Variants in CCDC102B observed in about 807,000 individuals in gnomAD.
The protein encoded by CCDC102B is coiled-coil domain-containing protein 102B.
CCDC102B carries 75 observed loss-of-function variants against 57.4 expected under a neutral mutation model. The observed-to-expected ratio is 1.31, with a 90% CI of 1.08 to 1.58. The LOEUF is 1.58. Ranked by LOEUF, CCDC102B falls within the 40% of genes most tolerant of loss-of-function variation. CCDC102B has a pLI of 0.00. For missense variants in CCDC102B, 636 were observed against 582.6 expected (o/e 1.09, Z -0.94); for synonymous variants, 206 against 201.9 (o/e 1.02, Z -0.17).
intron 4 of CCDC102B, among the ~76,000 whole-genome samples, chr18:68,855,409 T>C (rs537443891): frequency 3.0e-4 from 46 of 152,322 alleles, no homozygotes; most frequent in African/African-American, 1.1e-3. Context: ...AAGGCATAAA[T>C]GCTGTAATCC....
chr18:68,982,932 C>G (rs1430298873), intron 6 of CCDC102B, among the ~76,000 whole-genome samples: 2 of 151,830 alleles, frequency 1.3e-5, no homozygotes, highest in African/African-American at 4.8e-5. Flanking sequence ...TTGTACATCA[C>G]TATTCTGTGA....
chr18:69,030,184 G>A (rs981996729), intron 7 of CCDC102B, among the ~76,000 whole-genome samples: 14 of 152,104 alleles, frequency 9.2e-5, no homozygotes, highest in Non-Finnish European at 1.9e-4. Context: ...TTGAAAATAT[G>A]TAACACAAAA....
chr18:69,038,149 A>G (rs1475141834), intron 7 of CCDC102B, among the ~76,000 whole-genome samples: 4 of 151,896 alleles, frequency 2.6e-5, no homozygotes, highest in African/African-American at 7.2e-5. Flanking sequence ...AAGAAATGTC[A>G]TAAATTATAC....
intron 6 of CCDC102B, among the ~76,000 whole-genome samples, chr18:68,918,185 T>C (rs2041144064): frequency 1.3e-5 from 2 of 152,322 alleles, no homozygotes; most frequent in South Asian, 4.1e-4. Context: ...ACCTAAAACC[T>C]ACATATAAAT....
At chr18:68,725,329 A>G (rs1399540045) in intron 2 of CCDC102B, among the ~76,000 whole-genome samples, 1 of 152,176 alleles carries the variant, frequency 6.6e-6, no homozygotes, top group Non-Finnish European at 1.5e-5. Context: ...AGCAACACGA[A>G]TTTATTATGT....
chr18:68,911,578 C>T (rs113836805), intron 6 of CCDC102B, among the ~76,000 whole-genome samples: 1 of 149,236 alleles, frequency 6.7e-6, no homozygotes, highest in African/African-American at 2.5e-5. Context: ...CGGTGAAACC[C>T]CGTCTCTACT....
chr18:68,965,332 CT>C (rs1433400768), intron 6 of CCDC102B, among the ~76,000 whole-genome samples: 1 of 151,264 alleles, frequency 6.6e-6, no homozygotes, highest in Admixed American at 6.6e-5. Context: ...TTTGTTCCCC[CT>C]ATTTTGCTGC....
At chr18:68,726,960 A>G (rs2032623498) in intron 2 of CCDC102B, among the ~76,000 whole-genome samples, 1 of 152,212 alleles carries the variant, frequency 6.6e-6, no homozygotes, top group African/African-American at 2.4e-5. Flanking sequence ...ACAAAAGACT[A>G]CAAGGAAGAA....
intron 5 of CCDC102B, among the ~76,000 whole-genome samples, chr18:68,896,927 G>A (rs1173124539): frequency 6.6e-6 from 1 of 151,970 alleles, no homozygotes. Context: ...GGAGATTAAT[G>A]TTCCCAAGAG....
intron 6 of CCDC102B, among the ~76,000 whole-genome samples, chr18:68,967,493 C>A (rs538275430): frequency 2.0e-5 from 3 of 151,808 alleles, no homozygotes; most frequent in Non-Finnish European, 4.4e-5. Flanking sequence ...TAGATTTGAA[C>A]GAAGAAACAA....
At chr18:68,725,153 A>T (rs1408747752) in intron 2 of CCDC102B, among the ~76,000 whole-genome samples, 1 of 152,170 alleles carries the variant, frequency 6.6e-6, no homozygotes, top group East Asian at 1.9e-4. Context: ...TGCTTTCATG[A>T]TTCAGTTATC....
chr18:69,004,143 A>G (rs185936457), intron 6 of CCDC102B, among the ~76,000 whole-genome samples: 2 of 152,302 alleles, frequency 1.3e-5, no homozygotes, highest in African/African-American at 4.8e-5. Context: ...TAGGAAATTT[A>G]ATTGTGTAGG....
intron 2 of CCDC102B, among the ~76,000 whole-genome samples, chr18:68,791,435 T>A (rs573276779): frequency 1.3e-5 from 2 of 152,338 alleles, no homozygotes; most frequent in African/African-American, 4.8e-5. Flanking sequence ...GTTCTTTCTA[T>A]GTATGTGGTA....
intron 6 of CCDC102B, among the ~76,000 whole-genome samples, chr18:68,956,481 TATAA>T (rs2049883164): frequency 1.4e-5 from 1 of 71,522 alleles, no homozygotes; most frequent in Admixed American, 2.3e-4. Flanking sequence ...ATTATATATA[TATAA>T]TATATATATA....
intron 6 of CCDC102B, among the ~76,000 whole-genome samples, chr18:68,993,953 A>G (rs2050947473): frequency 6.6e-6 from 1 of 152,174 alleles, no homozygotes; most frequent in African/African-American, 2.4e-5. Context: ...GATATTTTAT[A>G]TCTATATAAA....
In CCDC102B at chr18:69,054,534, A is replaced by G. The variant is rs2145507021; in HGVS notation, c.*397A>G. 7 of 991,146 alleles carry G rather than the reference A, an allele frequency of 7.1e-6. No individual in the cohort carries two copies. The highest frequency in any genetic ancestry group is 8.4e-6 in the Non-Finnish European group (7 of 834,122). The allele number at this position is 991,146 out of a possible 1,614,324, so 61.4% of individuals were successfully genotyped here. A position where few individuals can be genotyped will look rare whatever the true frequency, so the allele number is the denominator to read the frequency against. ...AAGTATAAAGTACTGGTTTGTTTAA[A>G]TAATTGGTAAACTTTTATGTACGTG... On this transcript the variant is annotated 3_prime_UTR_variant, in exon 8 of 8. Coordinates refer to ENST00000360242, the MANE Select transcript of CCDC102B (RefSeq NM_024781.3).
chr18:68,868,867 G>A (rs977815472), intron 4 of CCDC102B, among the ~76,000 whole-genome samples: 1 of 152,172 alleles, frequency 6.6e-6, no homozygotes, highest in Non-Finnish European at 1.5e-5. Context: ...TTATGAGCCT[G>A]TTATAGTAAT....
chr18:68,989,507 A>C (rs920677967), intron 6 of CCDC102B, among the ~76,000 whole-genome samples: 1 of 152,230 alleles, frequency 6.6e-6, no homozygotes, highest in Admixed American at 6.5e-5. Context: ...TAGGAGTAGC[A>C]TAGAGCTTCG....
intron 1 of CCDC102B, among the ~76,000 whole-genome samples, chr18:68,804,706 A>G (rs2035971393): frequency 6.6e-6 from 1 of 152,164 alleles, no homozygotes; most frequent in Non-Finnish European, 1.5e-5. Context: ...TAGATTTGCA[A>G]TGTAGAAGTC....
Sources: gnomAD v4.1 joint callset for allele counts (sites outside exome capture counted in the v4.1 genomes callset) on GRCh38, gnomAD v4.1.1 for gene constraint, MANE v1.5 for transcripts, NCBI Gene and HGNC (gene_info 2026-07-23, HGNC 2026-07-21) for gene names.